Variants in CCDC3 observed in about 807,000 individuals in gnomAD.
The protein encoded by CCDC3 is coiled-coil domain containing 3, also known as coiled-coil domain-containing protein 3.
In CCDC3, 24 loss-of-function variants were observed where a neutral mutation model predicts 21.4. The observed-to-expected ratio is 1.12, with a 90% CI of 0.81 to 1.58. The LOEUF (loss-of-function observed/expected upper bound fraction) is 1.58, where lower values mean the gene tolerates loss of function less well. CCDC3 is among the 40% of genes most tolerant of loss of function. The pLI, the probability that CCDC3 is intolerant of heterozygous loss-of-function variation, is 0.00. For synonymous variants in CCDC3, 186 were observed against 166.0 expected, an observed-to-expected ratio of 1.12 and a Z score of -0.93; for missense variants, 425 against 360.9, an observed-to-expected ratio of 1.18 and a Z score of -1.44.
At chr10:13,012,697 G>C (rs1835997560) in intron 5 of CCDC3, among the ~76,000 whole-genome samples, 1 of 151,992 alleles carries the variant, frequency 6.6e-6, no homozygotes, top group African/African-American at 2.4e-5. Flanking sequence ...CTTCAACCCG[G>C]GAGGCAGACG....
intron 2 of CCDC3, among the ~76,000 whole-genome samples, chr10:12,987,258 AC>A (rs1835609504): frequency 6.6e-6 from 1 of 152,150 alleles, no homozygotes. Context: ...GACTTCAGAG[AC>A]CAGGTCTAAT....
chr10:12,963,250 T>G (rs998863695), intron 2 of CCDC3, among the ~76,000 whole-genome samples: 1 of 152,200 alleles, frequency 6.6e-6, no homozygotes, highest in Non-Finnish European at 1.5e-5. Context: ...AACTGCTCAC[T>G]CCATCTCCTC....
intron 2 of CCDC3, among the ~76,000 whole-genome samples, chr10:12,930,374 A>C (rs572239693): frequency 6.6e-6 from 1 of 152,304 alleles, no homozygotes; most frequent in South Asian, 2.1e-4. Context: ...AGTGTCACCT[A>C]ATTTCTGTTG....
chr10:13,099,526 T>C (rs888676972), exon 1 of CCDC3: 3 of 148,006 alleles, frequency 2.0e-5, no homozygotes, highest in African/African-American at 7.4e-5. Context: ...TGCTGTCTAA[T>C]CCGGGGGCAG....
intron 5 of CCDC3, among the ~76,000 whole-genome samples, chr10:13,015,280 G>C (rs907540447): frequency 3.3e-5 from 5 of 152,070 alleles, no homozygotes; most frequent in Non-Finnish European, 5.9e-5. Flanking sequence ...TCTTGAGATT[G>C]AGCTGATAAT....
intron 2 of CCDC3, among the ~76,000 whole-genome samples, chr10:12,977,348 G>GAC (rs1835432505): frequency 6.6e-6 from 1 of 151,532 alleles, no homozygotes; most frequent in Non-Finnish European, 1.5e-5. Context: ...AGAAAAGAAA[G>GAC]TGTCGTGTCT....
intron 3 of CCDC3, among the ~76,000 whole-genome samples, chr10:13,088,142 C>T (rs1439262262): frequency 2.6e-5 from 4 of 152,156 alleles, no homozygotes; most frequent in Non-Finnish European, 5.9e-5. Context: ...CAGTCAAATC[C>T]TAGCAAAAGA....
chr10:12,945,131 C>T (rs1420292246), intron 2 of CCDC3, among the ~76,000 whole-genome samples: 1 of 152,174 alleles, frequency 6.6e-6, no homozygotes, highest in Non-Finnish European at 1.5e-5. Flanking sequence ...GAAGCACATG[C>T]TTCTAGAAAT....
upstream of CCDC3, among the ~76,000 whole-genome samples, chr10:13,006,255 G>A (rs550627058): frequency 3.3e-5 from 5 of 152,334 alleles, no homozygotes; most frequent in Admixed American, 2.0e-4. Flanking sequence ...AATGCAAACC[G>A]TTGCTGGCAA....
intron 1 of CCDC3, among the ~76,000 whole-genome samples, chr10:12,999,840 A>C (rs996862052): frequency 6.6e-6 from 1 of 152,218 alleles, no homozygotes; most frequent in African/African-American, 2.4e-5. Context: ...TTTCCTAATT[A>C]AAAACATGAA....
rs1413845630 is a variant in CCDC3, at chr10:13,093,296, T to TACAGAAA, written c.-503+5228_-503+5229insTTTCTGT. 6.6e-5 allele frequency among the ~76,000 whole-genome samples: 10 copies of TACAGAAA among 152,192 alleles called. No individual in the cohort carries two copies. The South Asian group carries it at 1.5e-3, about 22-fold the overall frequency. On this transcript the variant is annotated intron_variant, in intron 3 of 6. Transcript: ENST00000378839. ...GAATGAGAACCAAGTGAAAGGGGTT[T>TACAGAAA]CCCCTTATAAAACCATCACATCTCG...
chr10:12,915,582 T>C (rs1414128514), intron 2 of CCDC3, among the ~76,000 whole-genome samples: 1 of 152,220 alleles, frequency 6.6e-6, no homozygotes, highest in Non-Finnish European at 1.5e-5. Context: ...TTTGCACATT[T>C]GAGGAAGTAG....
intron 5 of CCDC3, among the ~76,000 whole-genome samples, chr10:13,012,177 C>G (rs553050628): frequency 7.2e-5 from 11 of 152,134 alleles, no homozygotes; most frequent in African/African-American, 2.6e-4. Flanking sequence ...GCAATTGCAA[C>G]AAAAGCAAAA....
At chr10:13,041,770 G>A (rs1836459603) in intron 5 of CCDC3, among the ~76,000 whole-genome samples, 1 of 151,748 alleles carries the variant, frequency 6.6e-6, no homozygotes, top group South Asian at 2.1e-4. Flanking sequence ...TTACAGGTGT[G>A]AACCACCATG....
intron 2 of CCDC3, among the ~76,000 whole-genome samples, chr10:12,940,587 C>T (rs1834812863): frequency 6.6e-6 from 1 of 152,096 alleles, no homozygotes; most frequent in Non-Finnish European, 1.5e-5. Flanking sequence ...CATGACTGTC[C>T]AATCATAACC....
intron 5 of CCDC3, among the ~76,000 whole-genome samples, chr10:13,012,733 C>T (rs547298071): frequency 2.0e-5 from 3 of 151,868 alleles, no homozygotes; most frequent in Admixed American, 6.6e-5. Flanking sequence ...ATTGCACCAC[C>T]GCACTCCAGC....
At chr10:12,989,430 C>A (rs1021532073) in intron 2 of CCDC3, among the ~76,000 whole-genome samples, 1 of 152,146 alleles carries the variant, frequency 6.6e-6, no homozygotes, top group Non-Finnish European at 1.5e-5. Flanking sequence ...ATTCATTTTA[C>A]TTACTTATTT....
chr10:13,015,446 T>A (rs556377893), intron 5 of CCDC3, among the ~76,000 whole-genome samples: 12 of 152,118 alleles, frequency 7.9e-5, no homozygotes, highest in African/African-American at 2.9e-4. Context: ...GCATTGACGA[T>A]GGGAGAGCTG....
In CCDC3 at chr10:13,080,229, AAGAG is replaced by A. The variant is rs148227383; in HGVS notation, c.-502-6133_-502-6130del. 6.0e-3 allele frequency among the ~76,000 whole-genome samples: 911 copies of A among 152,290 alleles called. 38 individuals are homozygous for A. In the South Asian group the frequency reaches 0.099, roughly 17 times the overall value. On this transcript the variant is annotated intron_variant, in intron 3 of 6. Coordinates refer to the CCDC3 transcript ENST00000378839. ...AGAGAGAGCGAGAGCGAGCAAATGA[AAGAG>A]AGATAGAGGGAGAGAATAAGTGACA...
Sources: allele counts gnomAD v4.1 joint callset (sites outside exome capture counted in the v4.1 genomes callset), GRCh38; gene constraint gnomAD v4.1.1; transcripts MANE v1.5; gene names NCBI Gene and HGNC (gene_info 2026-07-23, HGNC 2026-07-21).